UVRAG: variants seen among roughly 807,000 people sequenced by gnomAD.
The protein encoded by UVRAG is UV radiation resistance-associated gene protein.
Under a neutral mutation model 78.0 loss-of-function variants are expected in UVRAG, and 19 were observed. The ratio of observed to expected loss-of-function variants is 0.24; its 90% confidence interval spans 0.17 to 0.36. The LOEUF (loss-of-function observed/expected upper bound fraction) is 0.36, where lower values mean the gene tolerates loss of function less well. Among genes scored for constraint, UVRAG ranks in the 10% least tolerant of loss-of-function variants. The pLI, the probability that UVRAG is intolerant of heterozygous loss-of-function variation, is 1.00. For synonymous variants in UVRAG, 323 were observed against 324.6 expected, an observed-to-expected ratio of 1.00 and a Z score of 0.05; for missense variants, 740 against 853.8, an observed-to-expected ratio of 0.87 and a Z score of 1.66.
chr11:76,134,962 G>A (rs563790437), intron 14 of UVRAG, among the ~76,000 whole-genome samples: 4 of 152,220 alleles, frequency 2.6e-5, no homozygotes, highest in South Asian at 4.1e-4. Context: ...CCTGAGCTCC[G>A]CCTCCCATCA....
At chr11:75,960,971 T>G (rs1948898096) in intron 6 of UVRAG, among the ~76,000 whole-genome samples, 1 of 152,200 alleles carries the variant, frequency 6.6e-6, no homozygotes, top group African/African-American at 2.4e-5. Flanking sequence ...TTTTTTCTTA[T>G]ATCTTTGAGA....
intron 6 of UVRAG, among the ~76,000 whole-genome samples, chr11:75,925,078 CAG>C (rs1188392725): frequency 1.3e-5 from 2 of 152,192 alleles, no homozygotes; most frequent in African/African-American, 2.4e-5. Flanking sequence ...CTTGAATTCA[CAG>C]AGTTACTGGA....
At chr11:76,131,654 G>A (rs770153693) in intron 14 of UVRAG, among the ~76,000 whole-genome samples, 20 of 152,198 alleles carry the variant, frequency 1.3e-4, no homozygotes, top group Non-Finnish European at 2.5e-4. Flanking sequence ...TTCAGCCTGT[G>A]CTTTTGGCCC....
intron 14 of UVRAG, among the ~76,000 whole-genome samples, chr11:76,128,919 ATGT>A (rs1952463601): frequency 6.6e-6 from 1 of 152,190 alleles, no homozygotes; most frequent in Non-Finnish European, 1.5e-5. Flanking sequence ...ATTTTATATG[ATGT>A]TTATTCTATA....
At chr11:76,007,158 A>T (rs571284795) in intron 9 of UVRAG, among the ~76,000 whole-genome samples, 1 of 152,146 alleles carries the variant, frequency 6.6e-6, no homozygotes, top group Admixed American at 6.5e-5. Context: ...GACCGCAGGC[A>T]TACGTCACCA....
intron 6 of UVRAG, among the ~76,000 whole-genome samples, chr11:75,959,422 TTC>T (rs769885369): frequency 5.3e-5 from 8 of 152,238 alleles, no homozygotes; most frequent in Admixed American, 3.9e-4. Flanking sequence ...TAGAGGTGGC[TTC>T]TTTCCTTAAA....
intron 1 of UVRAG, among the ~76,000 whole-genome samples, chr11:75,830,283 T>G (rs1302183979): frequency 1.3e-5 from 2 of 151,444 alleles, no homozygotes; most frequent in Non-Finnish European, 3.0e-5. Context: ...TAAGTATTCT[T>G]TTTTTTTTGA....
intron 12 of UVRAG, among the ~76,000 whole-genome samples, chr11:76,038,630 T>TG (rs1273445976): frequency 2.0e-4 from 30 of 152,352 alleles, no homozygotes; most frequent in Non-Finnish European, 1.5e-4. Flanking sequence ...TTTCCTCCCA[T>TG]GATTAAGGTT....
chr11:76,123,101 C>T (rs1197156729), intron 14 of UVRAG, among the ~76,000 whole-genome samples: 1 of 152,144 alleles, frequency 6.6e-6, no homozygotes, highest in Non-Finnish European at 1.5e-5. Flanking sequence ...ATCACAGTGC[C>T]CATTATTGGG....
At chr11:76,067,625 G>T (rs904155484) in intron 13 of UVRAG, among the ~76,000 whole-genome samples, 2 of 152,096 alleles carry the variant, frequency 1.3e-5, no homozygotes, top group African/African-American at 2.4e-5. Flanking sequence ...AGGTGTGGTG[G>T]CATGCACCTG....
chr11:76,060,944 G>T (rs1951075960), intron 12 of UVRAG, among the ~76,000 whole-genome samples: 3 of 152,240 alleles, frequency 2.0e-5, no homozygotes, highest in Admixed American at 2.0e-4. Flanking sequence ...GGGCTGAGGA[G>T]TGCGGGCGCA....
At chr11:76,120,511 C>G (rs1952254811) in intron 14 of UVRAG, among the ~76,000 whole-genome samples, 2 of 152,138 alleles carry the variant, frequency 1.3e-5, no homozygotes, top group South Asian at 4.1e-4. Flanking sequence ...ACCCATGAAC[C>G]TGTAGCAATA....
At chr11:76,102,010 G>A (rs1428943530) in intron 13 of UVRAG, among the ~76,000 whole-genome samples, 12 of 152,294 alleles carry the variant, frequency 7.9e-5, no homozygotes, top group Admixed American at 7.2e-4. Context: ...AAGGTGGACA[G>A]CGTGGTGTCT....
chr11:76,107,808 C>T (rs1047771059), intron 13 of UVRAG, among the ~76,000 whole-genome samples: 5 of 150,860 alleles, frequency 3.3e-5, no homozygotes, highest in Middle Eastern at 3.2e-3. Context: ...TTTTTTCAAG[C>T]GCATAATCTA....
intron 14 of UVRAG, among the ~76,000 whole-genome samples, chr11:76,135,462 C>T (rs1952583930): frequency 6.6e-6 from 1 of 152,188 alleles, no homozygotes; most frequent in Non-Finnish European, 1.5e-5. Flanking sequence ...TGGCTTCTCC[C>T]TCATCGTGCC....
chr11:75,942,219 A>G (rs1053502637), intron 6 of UVRAG: 2 of 152,992 alleles, frequency 1.3e-5, no homozygotes, highest in Non-Finnish European at 2.9e-5. Flanking sequence ...AATATCAGCA[A>G]TTTTCTGACC....
chr11:76,024,981 T>C (rs1358437205), intron 12 of UVRAG, among the ~76,000 whole-genome samples: 2 of 152,204 alleles, frequency 1.3e-5, no homozygotes, highest in Non-Finnish European at 2.9e-5. Flanking sequence ...TGATTATCTA[T>C]CTCATCTGGC....
chr11:75,843,652 G>A lies in UVRAG; in HGVS notation c.118-8231G>A, dbSNP rs79216899. ...AGCCCTATGTCCTTCTAGGTTCAGG[G>A]CCAGTAGGGGCAAAAAAGAACTCAT... On this transcript the variant is annotated intron_variant, in intron 1 of 14. Transcript: ENST00000356136. Among the ~76,000 whole-genome samples the A allele has an allele frequency of 1.6e-3, 248 of 152,236 alleles. 5 individuals carry two copies. The East Asian group carries it at 0.033, about 21-fold the overall frequency.
intron 7 of UVRAG, among the ~76,000 whole-genome samples, chr11:75,981,037 A>G (rs1259853876): frequency 1.3e-5 from 2 of 151,940 alleles, no homozygotes; most frequent in Non-Finnish European, 2.9e-5. Flanking sequence ...ATTTTTCTGT[A>G]TTGGATTTAT....
Sources: allele counts gnomAD v4.1 joint callset (sites outside exome capture counted in the v4.1 genomes callset), GRCh38; gene constraint gnomAD v4.1.1; transcripts MANE v1.5; gene names NCBI Gene and HGNC (gene_info 2026-07-23, HGNC 2026-07-21).